Variants in UNC5A observed in about 807,000 individuals in gnomAD.
UNC5A encodes the protein netrin receptor UNC5A.
Under a neutral mutation model 87.4 loss-of-function variants are expected in UNC5A, and 20 were observed. The ratio of observed to expected loss-of-function variants is 0.23; its 90% CI spans 0.16 to 0.33. UNC5A has a LOEUF of 0.33. Ranked by LOEUF, UNC5A falls within the 10% of genes least tolerant of loss-of-function variation. The probability of loss-of-function intolerance (pLI) is 1.00; values close to 1 mark genes in which losing one functional copy is unlikely to be tolerated. For synonymous variants in UNC5A, 438 were observed against 482.3 expected (o/e 0.91, Z 1.20); for missense variants, 844 against 1,133.4 (o/e 0.74, Z 3.67).
intron 1 of UNC5A, among the ~76,000 whole-genome samples, chr5:176,835,692 T>C (rs989550451): frequency 2.0e-5 from 3 of 151,464 alleles, no homozygotes; most frequent in Non-Finnish European, 4.4e-5. Context: ...AGTGTAGAGG[T>C]ACCAGCATCT....
chr5:176,853,707 C>G (rs1757600527), intron 1 of UNC5A, among the ~76,000 whole-genome samples: 1 of 152,248 alleles, frequency 6.6e-6, no homozygotes, highest in Admixed American at 6.5e-5. Context: ...CCGGCACGCT[C>G]CTAGACAGGA....
intron 8 of UNC5A, among the ~76,000 whole-genome samples, chr5:176,876,249 G>T (rs569662865): frequency 1.3e-5 from 2 of 152,350 alleles, no homozygotes; most frequent in African/African-American, 4.8e-5. Context: ...AGCTGGGACC[G>T]CGGGGCAGTG....
Position 176,874,517 on chromosome 5 carries a change from C to G in UNC5A, c.1329C>G (p.Thr443=), listed in dbSNP as rs1324869019. Residue 443 remains threonine, a synonymous_variant, in exon 8 of 15, where the codon ACC becomes ACG. Coordinates refer to ENST00000329542, the MANE Select transcript of UNC5A (RefSeq NM_133369.3). This position sits in a 1 kb window ranked among gnomAD's most constrained non-coding sequence, Gnocchi z 7.6. ...TGCCCCGAGGCACCAGCAACATGACCTATGGGACCTTCAACTTCCTCGGGG... is the reference window on the plus strand; with the variant it reads ...TGCCCCGAGGCACCAGCAACATGACGTATGGGACCTTCAACTTCCTCGGGG... The part of the protein sequence containing the change: ...RSLPRGTSNM[T]YGTFNFLGGR... 4.4e-6 allele frequency: 7 copies of G among 1,597,068 alleles called. No individual in the cohort carries two copies. Among genetic ancestry groups the G allele is most frequent in the Non-Finnish European group, 6.0e-6 (7 of 1,169,190 alleles).
Position 176,837,886 on chromosome 5 carries a change from G to C in UNC5A, c.71-24738G>C, listed in dbSNP as rs77869646. ...ACAGAGGCTGTCCCTCTGCGGACTCGGCTTCCTAACCTCCGGACTCTGCTT... is the reference window on the plus strand; with the variant it reads ...ACAGAGGCTGTCCCTCTGCGGACTCCGCTTCCTAACCTCCGGACTCTGCTT... On this transcript the variant is annotated intron_variant, in intron 1 of 14. Transcript: ENST00000329542. Among the ~76,000 whole-genome samples, 55 of 152,176 alleles carry C rather than the reference G, an allele frequency of 3.6e-4. 1 individual carries two copies. In the East Asian group the frequency reaches 7.1e-3, roughly 20 times the overall value.
chr5:176,860,354 A>C (rs1757805180), intron 1 of UNC5A, among the ~76,000 whole-genome samples: 1 of 152,154 alleles, frequency 6.6e-6, no homozygotes, highest in Non-Finnish European at 1.5e-5. Context: ...TCGGGCCAGC[A>C]GCACCCATCC....
chr5:176,825,231 A>G (rs531585706), intron 1 of UNC5A, among the ~76,000 whole-genome samples: 1 of 152,328 alleles, frequency 6.6e-6, no homozygotes, highest in Admixed American at 6.5e-5. Context: ...GAGGATGATT[A>G]GGGAATGGCC....
chr5:176,869,455 C>G lies in UNC5A; in HGVS notation c.721+491C>G, dbSNP rs1408976295. Among the ~76,000 whole-genome samples, 1 of 152,118 alleles carries G rather than the reference C, an allele frequency of 6.6e-6. No homozygotes were observed. The highest frequency in any genetic ancestry group is 1.5e-5 in the Non-Finnish European group (1 of 67,984). ...GCGTGCTGCAGGGCCCGGGGGCCAG[C>G]AGGCACGAGCATGGCCTCCCCCAGG... On this transcript the variant is annotated intron_variant, in intron 5 of 14. Transcript: ENST00000329542. The surrounding 1 kb of genome is among the most constrained non-coding windows in gnomAD (Gnocchi z 9.1).
At chr5:176,827,113 G>A (rs989899413) in intron 1 of UNC5A, among the ~76,000 whole-genome samples, 7 of 150,664 alleles carry the variant, frequency 4.6e-5, no homozygotes, top group East Asian at 1.9e-4. Context: ...GGCCTCTTTC[G>A]CTTAGCATAA....
intron 1 of UNC5A, among the ~76,000 whole-genome samples, chr5:176,846,811 G>A (rs964417766): frequency 1.3e-5 from 2 of 152,192 alleles, no homozygotes; most frequent in Non-Finnish European, 2.9e-5. Context: ...TCCTGGCGCC[G>A]AGGCCCGGAG....
intron 2 of UNC5A, among the ~76,000 whole-genome samples, chr5:176,863,822 TCCTCCTCCCCCTCCTCCTCCCCTCCC>T: frequency 1.3e-5 from 1 of 78,980 alleles, no homozygotes; most frequent in Non-Finnish European, 2.6e-5. Context: ...CTCCCCCTCC[TCCTCCTCCCCCTCCTCCTCCCCTCCC>T]CCACTCCTCT....
chr5:176,833,180 G>C (rs1217165728), intron 1 of UNC5A, among the ~76,000 whole-genome samples: 3 of 152,198 alleles, frequency 2.0e-5, no homozygotes, highest in African/African-American at 7.2e-5. Context: ...GTTCAAGGTG[G>C]TGCGTGTGCA....
chr5:176,831,338 G>A (rs1359493142), intron 1 of UNC5A, among the ~76,000 whole-genome samples: 1 of 152,114 alleles, frequency 6.6e-6, no homozygotes, highest in African/African-American at 2.4e-5. Flanking sequence ...AACCCCCAGG[G>A]CCCCTCTCCC....
At chr5:176,845,611 T>C (rs887620497) in intron 1 of UNC5A, among the ~76,000 whole-genome samples, 5 of 152,148 alleles carry the variant, frequency 3.3e-5, no homozygotes, top group African/African-American at 1.2e-4. Flanking sequence ...CATTCTGAAA[T>C]CTGTACTGCG....
In UNC5A at chr5:176,873,746, C is replaced by T. The variant is rs142608311; in HGVS notation, c.887-222C>T. 2.3e-3 allele frequency among the ~76,000 whole-genome samples: 353 copies of T among 152,324 alleles called. 1 individual carries two copies. Among genetic ancestry groups the T allele is most frequent in the African/African-American group, 7.3e-3 (305 of 41,578 alleles). On this transcript the variant is annotated intron_variant, in intron 6 of 14. Transcript: ENST00000329542. Reference sequence around the variant, plus strand: ...AGACTCAGCTGGGATCTCAAGCCCACGAGGAATGTGATTTGCTCAGAGTCA... The same window carrying T: ...AGACTCAGCTGGGATCTCAAGCCCATGAGGAATGTGATTTGCTCAGAGTCA...
At chr5:176,858,716 A>C (rs1203029990) in intron 1 of UNC5A, among the ~76,000 whole-genome samples, 79 of 143,738 alleles carry the variant, frequency 5.5e-4, no homozygotes, top group Non-Finnish European at 5.8e-4. Context: ...AAAGAAAGAG[A>C]GAGAGAGAAG....
chr5:176,879,913 C>T lies in UNC5A; in HGVS notation c.*27C>T. ...GCCGGCCAGGCCCGACACCTACACT[C>T]TCACCAGCTTTGGCACCCACCAAGG... is the stretch of plus-strand genomic sequence containing the variant. On this transcript the variant is annotated 3_prime_UTR_variant, in exon 15 of 15. Transcript: ENST00000329542. 6.2e-7 allele frequency: 1 copy of T among 1,600,122 alleles called. No individual in the cohort carries two copies. The highest frequency in any genetic ancestry group is 8.5e-7 in the Non-Finnish European group (1 of 1,174,310).
chr5:176,817,867 C>G (rs2113582836), intron 1 of UNC5A, among the ~76,000 whole-genome samples: 1 of 151,964 alleles, frequency 6.6e-6, no homozygotes, highest in Admixed American at 6.5e-5. Context: ...CGCGGGGCAG[C>G]CGGGCGCGGG....
At chr5:176,868,002 T>TA (rs1449827250) in intron 2 of UNC5A, 128 bp from the exon 3 acceptor site, 127 of 716,158 alleles carry the variant, frequency 1.8e-4, no homozygotes, top group African/African-American at 1.1e-3. Flanking sequence ...ATAATAAAAT[T>TA]TAAAAAAAAA....
In UNC5A at chr5:176,869,508, AC is replaced by A; in HGVS notation, c.721+547del. ...TTCTCTCCCAGCTCAGCCACAGCCC[AC>A]CCGTGTCCAGCTCACAGCCCCTCTG... On this transcript the variant is annotated intron_variant, in intron 5 of 14. Coordinates refer to ENST00000329542, the MANE Select transcript of UNC5A (RefSeq NM_133369.3). This position sits in a 1 kb window ranked among gnomAD's most constrained non-coding sequence, Gnocchi z 9.1. 1 of 598,536 alleles carries A rather than the reference AC, an allele frequency of 1.7e-6. No individual in the cohort carries two copies. The highest frequency in any genetic ancestry group is 3.0e-6 in the Non-Finnish European group (1 of 329,900). 37.1% of individuals were successfully genotyped at this position (598,536 alleles called of 1,614,324 possible).
Sources: gnomAD v4.1 joint callset for allele counts (sites outside exome capture counted in the v4.1 genomes callset) on GRCh38, gnomAD v4.1.1 for gene constraint, Gnocchi (gnomAD v3.1) non-coding constraint, MANE v1.5 for transcripts, NCBI Gene and HGNC (gene_info 2026-07-23, HGNC 2026-07-21) for gene names.